CDH4: variants seen among roughly 807,000 people sequenced by gnomAD.
CDH4 encodes the protein cadherin-4.
Under a neutral mutation model 86.0 loss-of-function variants are expected in CDH4, and 33 were observed. The ratio of observed to expected loss-of-function variants is 0.38; its 90% CI spans 0.29 to 0.51. CDH4 has a LOEUF of 0.51. Ranked by LOEUF, CDH4 falls within the 20% of genes least tolerant of loss-of-function variation. The pLI is 0.86. For synonymous variants in CDH4, 555 were observed against 549.4 expected (o/e 1.01, Z -0.14); for missense variants, 1,114 against 1,307.4 (o/e 0.85, Z 2.28).
At chr20:61,327,483 A>G (rs1045177254) in intron 2 of CDH4, among the ~76,000 whole-genome samples, 2 of 152,226 alleles carry the variant, frequency 1.3e-5, no homozygotes, top group Non-Finnish European at 2.9e-5. Context: ...CATTTACTAC[A>G]TGCAGAATAA....
At chr20:61,935,225 C>G (rs1208914677) in intron 15 of CDH4, among the ~76,000 whole-genome samples, 2 of 152,186 alleles carry the variant, frequency 1.3e-5, no homozygotes, top group Non-Finnish European at 2.9e-5. Flanking sequence ...TAGACCTCAG[C>G]CTAGGTCAGA....
At chr20:61,838,491 C>T (rs1037310460) in intron 4 of CDH4, among the ~76,000 whole-genome samples, 10 of 152,116 alleles carry the variant, frequency 6.6e-5, no homozygotes, top group African/African-American at 2.4e-4. Flanking sequence ...CCTCAAGGCT[C>T]CCATGAGACT....
intron 2 of CDH4, among the ~76,000 whole-genome samples, chr20:61,492,346 TTGA>T (rs567960866): frequency 4.0e-5 from 6 of 151,782 alleles, no homozygotes; most frequent in Admixed American, 1.3e-4. Flanking sequence ...GATGTTGATG[TTGA>T]TGGTGGTGGT....
intron 2 of CDH4, among the ~76,000 whole-genome samples, chr20:61,519,096 C>G (rs571770488): frequency 4.5e-4 from 68 of 152,296 alleles, no homozygotes; most frequent in Non-Finnish European, 8.4e-4. Context: ...CTCCAGTGGC[C>G]AAAGCCTAGA....
chr20:61,389,188 G>T (rs2084967510), intron 2 of CDH4, among the ~76,000 whole-genome samples: 4 of 152,232 alleles, frequency 2.6e-5, no homozygotes, highest in Admixed American at 2.6e-4. Flanking sequence ...GCACCTGTGT[G>T]CACTCGGAGG....
At chr20:61,795,806 C>T (rs1451300918) in intron 4 of CDH4, among the ~76,000 whole-genome samples, 1 of 109,088 alleles carries the variant, frequency 9.2e-6, no homozygotes, top group African/African-American at 3.8e-5. Context: ...GGAAGGCTGC[C>T]TGGGACAGAA....
chr20:61,472,800 G>T (rs1221091548), intron 2 of CDH4, among the ~76,000 whole-genome samples: 1 of 152,118 alleles, frequency 6.6e-6, no homozygotes, highest in African/African-American at 2.4e-5. Context: ...AAATAATACT[G>T]CTGAATGTAT....
At position 61,769,515 on chromosome 20, in the gene CDH4, G is replaced by T. The variant is rs185001696; in HGVS notation, c.397-3488G>T. On this transcript the variant is annotated intron_variant, in intron 3 of 15. Coordinates refer to ENST00000614565, the MANE Select transcript of CDH4 (RefSeq NM_001794.5). The stretch of plus-strand genomic sequence containing the variant: ...GACCTTCCTGAAGTCCAGCAAAGGG[G>T]ATTCGACTTCACAAACAGAGACCAC... 1.2e-3 allele frequency among the ~76,000 whole-genome samples: 176 copies of T among 152,338 alleles called. 1 individual carries two copies. The highest frequency in any genetic ancestry group is 4.0e-3 in the African/African-American group (166 of 41,570).
chr20:61,862,756 G>A (rs934005933), intron 6 of CDH4, among the ~76,000 whole-genome samples: 1 of 152,188 alleles, frequency 6.6e-6, no homozygotes, highest in Admixed American at 6.5e-5. Flanking sequence ...GGCTCTAATC[G>A]GGATGTGCTA....
intron 4 of CDH4, among the ~76,000 whole-genome samples, chr20:61,784,944 A>G (rs529768517): frequency 2.6e-5 from 4 of 152,192 alleles, no homozygotes; most frequent in Non-Finnish European, 5.9e-5. Context: ...CCTCCAGCTC[A>G]CTGCCCTACC....
At chr20:61,653,880 A>T (rs1175057304) in intron 2 of CDH4, among the ~76,000 whole-genome samples, 1 of 134,816 alleles carries the variant, frequency 7.4e-6, no homozygotes, top group Non-Finnish European at 1.7e-5. Context: ...GGCCGGGCAG[A>T]GACGCTCCTC....
intron 2 of CDH4, among the ~76,000 whole-genome samples, chr20:61,363,410 ATCTC>A (rs144743532): frequency 4.0e-5 from 6 of 150,392 alleles, no homozygotes; most frequent in Non-Finnish European, 7.4e-5. Flanking sequence ...GAATCTAAAT[ATCTC>A]TCTCTCTCTC....
chr20:61,291,638 G>C (rs555318525), intron 2 of CDH4, among the ~76,000 whole-genome samples: 1 of 152,216 alleles, frequency 6.6e-6, no homozygotes, highest in Non-Finnish European at 1.5e-5. Flanking sequence ...GTGCCACAAG[G>C]CCAAACATGC....
intron 2 of CDH4, among the ~76,000 whole-genome samples, chr20:61,303,667 A>G (rs962022165): frequency 6.6e-6 from 1 of 152,146 alleles, no homozygotes; most frequent in African/African-American, 2.4e-5. Context: ...TCTCACCTCC[A>G]GCGCCATTGC....
chr20:61,415,164 T>A (rs953658158), intron 2 of CDH4, among the ~76,000 whole-genome samples: 4 of 152,218 alleles, frequency 2.6e-5, no homozygotes, highest in Admixed American at 1.3e-4. Flanking sequence ...GGCATTACTT[T>A]GGGAGACGTT....
chr20:61,919,999 G>C (rs1336336348), intron 9 of CDH4, among the ~76,000 whole-genome samples: 1 of 7,368 alleles, frequency 1.4e-4, no homozygotes, highest in Non-Finnish European at 3.4e-4. Context: ...GCATGGAAGT[G>C]TGGTGTCACA....
In CDH4 at chr20:61,815,832, C is replaced by T. The variant is rs117279934; in HGVS notation, c.577-28836C>T. 6.6e-5 allele frequency among the ~76,000 whole-genome samples: 10 copies of T among 152,330 alleles called. No homozygotes were observed. The East Asian group carries it at 1.2e-3, about 18-fold the overall frequency. On this transcript the variant is annotated intron_variant, in intron 4 of 15. Coordinates refer to ENST00000614565, the MANE Select transcript of CDH4 (RefSeq NM_001794.5). ...ATGCCCCAGCCAGAAATGCAAAGCT[C>T]CCACTTGCCCAGGTTTGGAACCAGG...
At chr20:61,716,809 G>A (rs2087960710) in intron 2 of CDH4, among the ~76,000 whole-genome samples, 2 of 152,202 alleles carry the variant, frequency 1.3e-5, no homozygotes, top group Non-Finnish European at 2.9e-5. Flanking sequence ...TAAGGAGGCT[G>A]AAGCAGGAGA....
intron 2 of CDH4, among the ~76,000 whole-genome samples, chr20:61,638,695 G>A (rs866325424): frequency 6.6e-6 from 1 of 152,226 alleles, no homozygotes; most frequent in Admixed American, 6.5e-5. Flanking sequence ...CACATTGTGA[G>A]TTAAATCCTT....
Sources: allele counts gnomAD v4.1 joint callset (sites outside exome capture counted in the v4.1 genomes callset), GRCh38; gene constraint gnomAD v4.1.1; transcripts MANE v1.5; gene names NCBI Gene and HGNC (gene_info 2026-07-23, HGNC 2026-07-21).